Variants in ADAMTS12 observed in about 807,000 individuals in gnomAD.
The protein encoded by ADAMTS12 is ADAM metallopeptidase with thrombospondin type 1 motif 12, also known as A disintegrin and metalloproteinase with thrombospondin motifs 12.
Under a neutral mutation model 167.8 loss-of-function variants are expected in ADAMTS12, and 118 were observed. The observed-to-expected ratio is 0.70, with a 90% confidence interval of 0.61 to 0.82. ADAMTS12 has a LOEUF of 0.82. Among genes scored for constraint, ADAMTS12 ranks in the 40% least tolerant of loss-of-function variants. The probability of loss-of-function intolerance (pLI) is 0.00; values close to 1 mark genes in which losing one functional copy is unlikely to be tolerated. For synonymous variants in ADAMTS12, 704 were observed against 716.9 expected, an observed-to-expected ratio of 0.98 and a Z score of 0.29; for missense variants, 1,916 against 1,998.8, an observed-to-expected ratio of 0.96 and a Z score of 0.79.
At chr5:33,844,854 A>T (rs1331142380) in intron 2 of ADAMTS12, among the ~76,000 whole-genome samples, 1 of 152,162 alleles carries the variant, frequency 6.6e-6, no homozygotes, top group African/African-American at 2.4e-5. Context: ...CCCAGCTTTA[A>T]AATCTCTCTT....
intron 2 of ADAMTS12, among the ~76,000 whole-genome samples, chr5:33,772,520 A>G (rs1040069656): frequency 1.3e-5 from 2 of 152,190 alleles, no homozygotes; most frequent in Non-Finnish European, 2.9e-5. Flanking sequence ...AGGTCAGGAG[A>G]TTGAGCAAAA....
intron 5 of ADAMTS12, among the ~76,000 whole-genome samples, chr5:33,668,955 A>G (rs1741574449): frequency 6.6e-6 from 1 of 152,218 alleles, no homozygotes; most frequent in Non-Finnish European, 1.5e-5. Context: ...TTTTTGGGAG[A>G]AACTGCAGAC....
At chr5:33,604,404 GGCAGGA>G (rs1738329693) in intron 16 of ADAMTS12, among the ~76,000 whole-genome samples, 1 of 151,936 alleles carries the variant, frequency 6.6e-6, no homozygotes, top group African/African-American at 2.4e-5. Context: ...GGCAGGCTGA[GGCAGGA>G]GAATCACTTG....
At chr5:33,650,326 G>A (rs901970343) in intron 7 of ADAMTS12, among the ~76,000 whole-genome samples, 3 of 152,100 alleles carry the variant, frequency 2.0e-5, no homozygotes, top group Admixed American at 6.5e-5. Flanking sequence ...CCTAGAAGAT[G>A]GGGTAGTCAT....
At chr5:33,832,220 A>G (rs897168768) in intron 2 of ADAMTS12, among the ~76,000 whole-genome samples, 3 of 152,226 alleles carry the variant, frequency 2.0e-5, no homozygotes, top group African/African-American at 4.8e-5. Flanking sequence ...TGAAATAATT[A>G]GATAGGAAGG....
chr5:33,636,068 G>C (rs552193107), intron 12 of ADAMTS12, among the ~76,000 whole-genome samples: 1 of 152,312 alleles, frequency 6.6e-6, no homozygotes, highest in East Asian at 1.9e-4. Flanking sequence ...TAGTCAAAAA[G>C]TAGGCACATG....
At chr5:33,749,928 A>T (rs940481903) in intron 3 of ADAMTS12, among the ~76,000 whole-genome samples, 1 of 152,166 alleles carries the variant, frequency 6.6e-6, no homozygotes, top group Non-Finnish European at 1.5e-5. Context: ...TTCACAGAGC[A>T]AGGATGCCTA....
chr5:33,788,226 T>A (rs1184528134), intron 2 of ADAMTS12, among the ~76,000 whole-genome samples: 4 of 152,326 alleles, frequency 2.6e-5, no homozygotes, highest in South Asian at 4.1e-4. Context: ...ATGTATGTCC[T>A]CTAACTGAAA....
chr5:33,728,160 T>C (rs1339664373), intron 3 of ADAMTS12, among the ~76,000 whole-genome samples: 1 of 152,184 alleles, frequency 6.6e-6, no homozygotes, highest in Non-Finnish European at 1.5e-5. Flanking sequence ...GACCATCCTC[T>C]TCCCCTAGAA....
intron 2 of ADAMTS12, among the ~76,000 whole-genome samples, chr5:33,810,116 A>G (rs572275616): frequency 2.6e-5 from 4 of 151,990 alleles, no homozygotes; most frequent in South Asian, 2.1e-4. Context: ...CAATGCAAAT[A>G]CTCCTCCCTG....
chr5:33,634,828 G>A (rs953713796), intron 12 of ADAMTS12, among the ~76,000 whole-genome samples: 2 of 151,962 alleles, frequency 1.3e-5, no homozygotes, highest in African/African-American at 2.4e-5. Context: ...TTAAACCCTT[G>A]TCATTGATGT....
intron 18 of ADAMTS12, among the ~76,000 whole-genome samples, chr5:33,578,870 T>G (rs10046098): frequency 1.3e-5 from 2 of 152,192 alleles, no homozygotes; most frequent in Non-Finnish European, 2.9e-5. Context: ...AGTGAAGCTG[T>G]GGATTTAAGA....
At chr5:33,807,121 T>C (rs1464684026) in intron 2 of ADAMTS12, among the ~76,000 whole-genome samples, 1 of 152,218 alleles carries the variant, frequency 6.6e-6, no homozygotes, top group Admixed American at 6.5e-5. Flanking sequence ...CCTTTCTCTG[T>C]CTGTTTCAGC....
intron 2 of ADAMTS12, among the ~76,000 whole-genome samples, chr5:33,791,927 G>A (rs1746586802): frequency 1.3e-5 from 2 of 151,076 alleles, no homozygotes; most frequent in Non-Finnish European, 2.9e-5. Flanking sequence ...TTGTCCATAG[G>A]TCCTGGTGGT....
At chr5:33,867,088 A>T (rs1291318113) in intron 2 of ADAMTS12, among the ~76,000 whole-genome samples, 3 of 152,188 alleles carry the variant, frequency 2.0e-5, no homozygotes, top group Non-Finnish European at 4.4e-5. Flanking sequence ...CTACCATTTG[A>T]TCCAGAAATC....
At chr5:33,635,690 T>C (rs1001452374) in intron 12 of ADAMTS12, among the ~76,000 whole-genome samples, 4 of 152,196 alleles carry the variant, frequency 2.6e-5, no homozygotes, top group African/African-American at 9.7e-5. Context: ...AGGCCCTCGA[T>C]ATCTGGCACA....
chr5:33,548,029 C>G (rs7709043), intron 21 of ADAMTS12, among the ~76,000 whole-genome samples: 2,265 of 152,220 alleles, frequency 0.015, 46 homozygotes, highest in African/African-American at 0.052. Flanking sequence ...TAGCTAGTGG[C>G]CCAGAGCCTC....
At chr5:33,773,253 A>G (rs1312435965) in intron 2 of ADAMTS12, among the ~76,000 whole-genome samples, 1 of 152,202 alleles carries the variant, frequency 6.6e-6, no homozygotes, top group African/African-American at 2.4e-5. Flanking sequence ...AGTCTACTTG[A>G]CACTTAGGCC....
intron 17 of ADAMTS12, among the ~76,000 whole-genome samples, chr5:33,594,586 T>C (rs546418540): frequency 4.1e-4 from 62 of 152,300 alleles, no homozygotes; most frequent in Admixed American, 8.5e-4. Context: ...ATAACTGCAA[T>C]TTCAGGTAAA....
Sources: gnomAD v4.1 joint callset for allele counts (sites outside exome capture counted in the v4.1 genomes callset) on GRCh38, gnomAD v4.1.1 for gene constraint, MANE v1.5 for transcripts, NCBI Gene and HGNC (gene_info 2026-07-23, HGNC 2026-07-21) for gene names.